The following GCM2 variants were observed in gnomAD, a reference collection of about 807,000 sequenced individuals.
GCM2 encodes the protein GCM transcription factor 2.
GCM2 carries 21 observed loss-of-function variants against 24.8 expected under a neutral mutation model. The ratio of observed to expected loss-of-function variants is 0.85; its 90% CI spans 0.60 to 1.22. The LOEUF is 1.22. GCM2 is among the 50% of genes most tolerant of loss of function. The pLI is 0.00. For synonymous variants in GCM2, 222 were observed against 238.0 expected, an observed-to-expected ratio of 0.93 and a Z score of 0.62; for missense variants, 532 against 645.6, an observed-to-expected ratio of 0.82 and a Z score of 1.91.
chr6:10,881,089 C>T (rs1779951173), intron 1 of GCM2, among the ~76,000 whole-genome samples: 1 of 152,244 alleles, frequency 6.6e-6, no homozygotes, highest in Admixed American at 6.5e-5. Context: ...ACCAACATTT[C>T]CTGCTGCTTT....
In GCM2 at chr6:10,881,771, T is replaced by A. The variant is rs1237077597; in HGVS notation, c.23A>T (p.Glu8Val). 2 of 1,609,516 alleles carry A rather than the reference T, an allele frequency of 1.2e-6. No homozygotes were observed. Among genetic ancestry groups the A allele is most frequent in the East Asian group, 2.2e-5 (1 of 44,872 alleles). ...CCCGTAGGAGCACACGCCGACCGCT[T>A]CCTGCACCGCGGCCGCCGGCATCTG... is the stretch of plus-strand genomic sequence containing the variant. MPAAAVQ[E>V]AVGVCSYGMQ... The change falls in exon 1 of 5, where the codon GAA becomes GTA. Residue 8 changes from glutamate to valine, a missense_variant. Glu to Val is a moderately radical substitution (Grantham distance 121, BLOSUM62 -2). Coordinates refer to ENST00000379491, the MANE Select transcript of GCM2 (RefSeq NM_004752.4).
rs778856322 is a variant in GCM2, at chr6:10,877,246, C to T, written c.237G>A (p.Lys79=). The T allele has an allele frequency of 6.2e-7, 1 of 1,614,244 alleles. No homozygotes were observed. ...TACACACCACCACACCCAGGCACGA[C>T]TTCTTGAGGATGTGGCCATTGTGGT... ...TNNHNGHILK[K]SCLGVVVCTQ... is the part of the protein sequence containing the mutation. The change falls in exon 2 of 5, where the codon AAG becomes AAA. Residue 79 remains lysine (K), a synonymous_variant. Transcript: ENST00000379491.
chr6:10,879,175 A>G (rs568445909), intron 1 of GCM2, among the ~76,000 whole-genome samples: 11 of 152,346 alleles, frequency 7.2e-5, no homozygotes, highest in African/African-American at 2.6e-4. Context: ...GTAAGTCACA[A>G]ATGAAATATA....
In GCM2 at chr6:10,874,636, C is replaced by T. The variant is rs780956356; in HGVS notation, c.880G>A (p.Asp294Asn). Residue 294 changes from aspartate (D) to asparagine (N), a missense_variant, in exon 5 of 5, where the codon GAT (aspartate) becomes AAT (asparagine). Physicochemically the swap from Asp to Asn is conservative, Grantham distance 23. Coordinates refer to ENST00000379491, the MANE Select transcript of GCM2 (RefSeq NM_004752.4). ...GTGTCATTAGGGATACTGGTGGAAT[C>T]CTTATAAAGGGTGGGATATGGGCTT... is the stretch of plus-strand genomic sequence containing the variant. ...NSSPYPTLYK[D>N]STSIPNDTDW... 6 of 1,614,022 alleles carry T rather than the reference C, an allele frequency of 3.7e-6. No homozygotes were observed. The African/African-American group carries it at 5.3e-5, about 14-fold the overall frequency.
chr6:10,881,680 C>CCCG, intron 1 of GCM2, 24 bp downstream of exon 1: 1 of 1,578,810 alleles, frequency 6.3e-7, no homozygotes. Flanking sequence ...GCCCCGCGTG[C>CCCG]CCGCACACAC....
At chr6:10,879,371 C>T (rs1779927168) in intron 1 of GCM2, among the ~76,000 whole-genome samples, 1 of 152,190 alleles carries the variant, frequency 6.6e-6, no homozygotes, top group Non-Finnish European at 1.5e-5. Flanking sequence ...GGTAGTGACC[C>T]TGGCAATGAA....
At chr6:10,875,156 G>A (rs1179697162) in intron 4 of GCM2, among the ~76,000 whole-genome samples, 1 of 152,138 alleles carries the variant, frequency 6.6e-6, no homozygotes, top group East Asian at 1.9e-4. Flanking sequence ...AAAGGTCCAT[G>A]GTAGCCAGGT....
In GCM2 at chr6:10,874,472, A is replaced by T. The variant is rs139044332; in HGVS notation, c.1044T>A (p.His348Gln). 1 of 1,614,056 alleles carries T rather than the reference A, an allele frequency of 6.2e-7. No individual in the cohort carries two copies. Among genetic ancestry groups the T allele is most frequent in the Non-Finnish European group, 8.5e-7 (1 of 1,180,046 alleles). The part of the protein sequence containing the change: ...GKPSLVERTN[H>Q]GQFQAMATRP... ...GAGTGGCCATGGCCTGAAACTGCCCATGGTTAGTCCTTTCCACAAGGCTGG... is the reference window on the plus strand; with the variant it reads ...GAGTGGCCATGGCCTGAAACTGCCCTTGGTTAGTCCTTTCCACAAGGCTGG... Residue 348 changes from histidine (H) to glutamine (Q), a missense_variant, in exon 5 of 5, where the codon CAT (histidine) becomes CAA (glutamine). Physicochemically the swap from His to Gln is conservative, Grantham distance 24. Coordinates refer to ENST00000379491, the MANE Select transcript of GCM2 (RefSeq NM_004752.4).
Position 10,877,410 on chromosome 6 carries a change from G to A in GCM2, c.91-18C>T. 6.2e-7 allele frequency: 1 copy of A among 1,614,040 alleles called. No homozygotes were observed. The highest frequency in any genetic ancestry group is 8.5e-7 in the Non-Finnish European group (1 of 1,179,950). ...GCCAGCTCCTGGAAGAGTGCAGAAG[G>A]AAGGGTGGTCAGTCTATCCAGTCCA... On this transcript the variant is annotated intron_variant, in intron 1 of 4. Coordinates refer to ENST00000379491, the MANE Select transcript of GCM2 (RefSeq NM_004752.4).
chr6:10,879,343 C>T (rs550819615), intron 1 of GCM2, among the ~76,000 whole-genome samples: 1 of 152,272 alleles, frequency 6.6e-6, no homozygotes, highest in South Asian at 2.1e-4. Flanking sequence ...GGCCCCCATG[C>T]CTCACACGAG....
In GCM2 at chr6:10,877,201, G is replaced by T; in HGVS notation, c.282C>A (p.Pro94=). The change falls in exon 2 of 5, where the codon CCC becomes CCA. Residue 94 remains proline, a synonymous_variant. Transcript: ENST00000379491. Reference sequence around the variant, plus strand: ...GCCTCAGCTGCAGGCGGGAACCGTCGGGCAGGGTGCAGGCCTGTGTACACA... The same window carrying T: ...GCCTCAGCTGCAGGCGGGAACCGTCTGGCAGGGTGCAGGCCTGTGTACACA... ...VVVCTQACTL[P]DGSRLQLRPA... is the part of the protein sequence containing the mutation. 1 of 1,614,000 alleles carries T rather than the reference G, an allele frequency of 6.2e-7. No homozygotes were observed.
At chr6:10,876,608 A>C (rs772327357) in intron 2 of GCM2, 51 bp from the exon 3 acceptor site, 1 of 1,224,606 alleles carries the variant, frequency 8.2e-7, no homozygotes, top group South Asian at 1.2e-5. Context: ...GACCCTTCTG[A>C]AGGAAGAAGG....
At position 10,876,527 on chromosome 6, in the gene GCM2, A is replaced by T. The variant is rs1779881776; in HGVS notation, c.374T>A (p.Leu125Ter). The T allele has an allele frequency of 6.2e-7, 1 of 1,613,820 alleles. No homozygotes were observed. Among genetic ancestry groups the T allele is most frequent in the Non-Finnish European group, 8.5e-7 (1 of 1,179,672 alleles). Reference protein sequence around the residue: ...KKACPNCHSALELIPCRGHSG... With the variant: ...KKACPNCHSA ...GTGCCCTCGACAAGGAATCAACTCCAAAGCAGAATGACAGTTAGGGCATGC... is the reference window on the plus strand; with the variant it reads ...GTGCCCTCGACAAGGAATCAACTCCTAAGCAGAATGACAGTTAGGGCATGC... Residue 125 changes from leucine (L) to a stop codon, truncating the protein, a stop_gained, in exon 3 of 5, where the codon TTG becomes TAG. Transcript: ENST00000379491. LOFTEE classifies it high-confidence loss of function.
rs1265172335 is a variant in GCM2, at chr6:10,881,747, C to T, written c.47G>A (p.Gly16Glu). The T allele has an allele frequency of 6.2e-7, 1 of 1,611,340 alleles. No individual in the cohort carries two copies. The highest frequency in any genetic ancestry group is 8.5e-7 in the Non-Finnish European group (1 of 1,179,988). ...GTTGATGTCCCAGCTGAGCTGCATC[C>T]CGTAGGAGCACACGCCGACCGCTTC... is the stretch of plus-strand genomic sequence containing the variant. ...VQEAVGVCSY[G>E]MQLSWDINDP... The change falls in exon 1 of 5, where the codon GGG (glycine) becomes GAG (glutamate). Residue 16 changes from glycine to glutamate, a missense_variant. By Grantham distance (98) the Gly-to-Glu change is moderately conservative (BLOSUM62 -2). Coordinates refer to ENST00000379491, the MANE Select transcript of GCM2 (RefSeq NM_004752.4).
At chr6:10,877,448 C>T (rs575201906) in intron 1 of GCM2, 56 bp from the exon 2 acceptor site, 1 of 1,595,274 alleles carries the variant, frequency 6.3e-7, no homozygotes. Context: ...CTGCACACAT[C>T]ATGCTCTAAA....
chr6:10,876,131 C>G, intron 3 of GCM2, 115 bp from the exon 4 acceptor site: 1 of 1,157,102 alleles, frequency 8.6e-7, no homozygotes, highest in Non-Finnish European at 1.3e-6. Flanking sequence ...TTGTTTCTTT[C>G]AAAATGACAG....
chr6:10,881,741 T>A lies in GCM2; in HGVS notation c.53A>T (p.Gln18Leu). 6.2e-7 allele frequency: 1 copy of A among 1,611,638 alleles called. No homozygotes were observed. The highest frequency in any genetic ancestry group is 8.5e-7 in the Non-Finnish European group (1 of 1,179,976). The change falls in exon 1 of 5, where the codon CAG becomes CTG. Residue 18 changes from glutamine (Q) to leucine (L), a missense_variant. Around this residue, in one of 3 missense-constraint regions of GCM2, gnomAD observed 96 missense variants for 103.5 expected, o/e 0.93. Coordinates refer to ENST00000379491, the MANE Select transcript of GCM2 (RefSeq NM_004752.4). Reference protein sequence around the residue: ...EAVGVCSYGMQLSWDINDPQM... With the variant: ...EAVGVCSYGMLLSWDINDPQM... ...CGGATCGTTGATGTCCCAGCTGAGCTGCATCCCGTAGGAGCACACGCCGAC... is the reference window on the plus strand; with the variant it reads ...CGGATCGTTGATGTCCCAGCTGAGCAGCATCCCGTAGGAGCACACGCCGAC...
In GCM2 at chr6:10,874,526, C is replaced by T. The variant is rs746900540; in HGVS notation, c.990G>A (p.Gln330=). 1 of 1,614,194 alleles carries T rather than the reference C, an allele frequency of 6.2e-7. No individual in the cohort carries two copies. The highest frequency in any genetic ancestry group is 1.1e-5 in the South Asian group (1 of 91,082). The part of the protein sequence containing the change: ...YERSFDFTNK[Q]HGWKPALGKP... ...TTCCAAGAGCTGGTTTCCAGCCATGCTGTTTGTTGGTGAAATCAAAGCTTC... is the reference window on the plus strand; with the variant it reads ...TTCCAAGAGCTGGTTTCCAGCCATGTTGTTTGTTGGTGAAATCAAAGCTTC... Residue 330 remains glutamine (Q), a synonymous_variant, in exon 5 of 5, where the codon CAG becomes CAA. Coordinates refer to ENST00000379491, the MANE Select transcript of GCM2 (RefSeq NM_004752.4).
intron 4 of GCM2, among the ~76,000 whole-genome samples, chr6:10,875,290 C>A (rs1300232123): frequency 1.3e-5 from 2 of 152,138 alleles, no homozygotes; most frequent in Non-Finnish European, 2.9e-5. Context: ...TTGTACAAGC[C>A]ACTTAACCTC....
Sources: gnomAD v4.1 joint callset for allele counts (sites outside exome capture counted in the v4.1 genomes callset) on GRCh38, gnomAD v4.1.1 for gene constraint, gnomAD v4.1.1 regional missense constraint, MANE v1.5 for transcripts, NCBI Gene and HGNC (gene_info 2026-07-23, HGNC 2026-07-21) for gene names.